CAMTA1: variants seen among roughly 807,000 people sequenced by gnomAD.
CAMTA1 encodes calmodulin binding transcription activator 1.
In CAMTA1, 27 loss-of-function variants were observed where a neutral mutation model predicts 170.9. The ratio of observed to expected loss-of-function variants is 0.16; its 90% CI spans 0.12 to 0.22. The LOEUF is 0.22. Among genes scored for constraint, CAMTA1 ranks in the 10% least tolerant of loss-of-function variants. The pLI, the probability that CAMTA1 is intolerant of heterozygous loss-of-function variation, is 1.00. For synonymous variants in CAMTA1, 833 were observed against 891.5 expected (o/e 0.93, Z 1.17); for missense variants, 1,619 against 2,217.2 (o/e 0.73, Z 5.42).
At chr1:7,232,664 A>G (rs1173262476) in intron 4 of CAMTA1, among the ~76,000 whole-genome samples, 3 of 152,146 alleles carry the variant, frequency 2.0e-5, no homozygotes, top group Non-Finnish European at 4.4e-5. Flanking sequence ...GAGAGGGTGC[A>G]CAGACCGGTG....
intron 3 of CAMTA1, among the ~76,000 whole-genome samples, chr1:6,827,109 A>G (rs566701409): frequency 6.6e-6 from 1 of 152,362 alleles, no homozygotes; most frequent in South Asian, 2.1e-4. Flanking sequence ...AGAGGCTGCC[A>G]TAATTCAGAT....
In CAMTA1 at chr1:6,895,791, C is replaced by T. The variant is rs771359316; in HGVS notation, c.234+70581C>T. Among the ~76,000 whole-genome samples the T allele has an allele frequency of 3.9e-5, 6 of 152,316 alleles. No homozygotes were observed. The East Asian group carries it at 9.6e-4, about 24-fold the overall frequency. On this transcript the variant is annotated intron_variant, in intron 3 of 22. Coordinates refer to ENST00000303635, the MANE Select transcript of CAMTA1 (RefSeq NM_015215.4). ...TTATATCCTCAGAGAGACCCTCCCC[C>T]GATAGCCTGATGACAGGTGATAGTC...
intron 4 of CAMTA1, among the ~76,000 whole-genome samples, chr1:7,159,876 GC>G (rs1306255822): frequency 2.0e-5 from 3 of 152,178 alleles, no homozygotes; most frequent in African/African-American, 7.2e-5. Context: ...GGATCGCCTT[GC>G]CCCTCCGTGC....
intron 22 of CAMTA1, among the ~76,000 whole-genome samples, chr1:7,764,717 T>C (rs1215883872): frequency 6.6e-6 from 1 of 152,180 alleles, no homozygotes; most frequent in Admixed American, 6.5e-5. Flanking sequence ...TCAAGCACTT[T>C]GGGAGGCTGA....
At chr1:7,718,293 C>T (rs745605896) in intron 11 of CAMTA1, among the ~76,000 whole-genome samples, 2 of 149,512 alleles carry the variant, frequency 1.3e-5, no homozygotes, top group African/African-American at 5.1e-5. Context: ...CCGTTCTGGC[C>T]GGATTCTCCA....
chr1:7,047,299 T>A (rs1705546546), intron 3 of CAMTA1, among the ~76,000 whole-genome samples: 1 of 152,196 alleles, frequency 6.6e-6, no homozygotes, highest in Non-Finnish European at 1.5e-5. Flanking sequence ...GAGGATAGAT[T>A]TTCTCCCTTC....
intron 3 of CAMTA1, among the ~76,000 whole-genome samples, chr1:7,031,164 G>A (rs539537154): frequency 2.0e-5 from 3 of 152,038 alleles, no homozygotes; most frequent in African/African-American, 7.2e-5. Flanking sequence ...TATTAAGGGA[G>A]GGATACGGAA....
rs187313819 is a variant in CAMTA1 at position 7,149,642 on chromosome 1, G to A, written c.302+58271G>A. Among the ~76,000 whole-genome samples, 767 of 152,224 alleles carry A rather than the reference G, an allele frequency of 5.0e-3. 6 individuals are homozygous for A. The highest frequency in any genetic ancestry group is 7.7e-3 in the Non-Finnish European group (525 of 68,024). On this transcript the variant is annotated intron_variant, in intron 4 of 22. Coordinates refer to ENST00000303635, the MANE Select transcript of CAMTA1 (RefSeq NM_015215.4). ...CGATGCGAGTTTTTAGCTAGTCCCC[G>A]ACACACACTGAGAACAGGAAACGAG...
intron 22 of CAMTA1, among the ~76,000 whole-genome samples, chr1:7,760,281 G>A (rs187174624): frequency 6.6e-6 from 1 of 152,344 alleles, no homozygotes. Context: ...CAGCTCTGCT[G>A]TGTGCTTCTG....
intron 4 of CAMTA1, among the ~76,000 whole-genome samples, chr1:7,194,031 C>T (rs140961786): frequency 1.3e-5 from 2 of 152,118 alleles, no homozygotes; most frequent in East Asian, 1.9e-4. Context: ...CACATGTGAA[C>T]GGAAGCATTT....
At chr1:6,878,269 T>C (rs938047495) in intron 3 of CAMTA1, among the ~76,000 whole-genome samples, 2 of 152,224 alleles carry the variant, frequency 1.3e-5, no homozygotes, top group Admixed American at 6.5e-5. Flanking sequence ...AGGATAATCA[T>C]TGCAGTTTGA....
At chr1:7,409,973 G>A (rs747364998) in intron 5 of CAMTA1, among the ~76,000 whole-genome samples, 1 of 152,032 alleles carries the variant, frequency 6.6e-6, no homozygotes, top group Admixed American at 6.5e-5. Context: ...GGAAGGAGCC[G>A]GGTACCCTCA....
intron 3 of CAMTA1, among the ~76,000 whole-genome samples, chr1:6,842,352 G>A (rs1312568441): frequency 1.3e-5 from 2 of 152,190 alleles, no homozygotes; most frequent in African/African-American, 4.8e-5. Context: ...GCCTCCTCCT[G>A]CTCCTAGTCC....
intron 3 of CAMTA1, among the ~76,000 whole-genome samples, chr1:7,028,299 T>C (rs1368873396): frequency 6.6e-6 from 1 of 152,206 alleles, no homozygotes; most frequent in Non-Finnish European, 1.5e-5. Flanking sequence ...AGGCATTTCA[T>C]TGTCTTAATT....
Position 7,663,544 on chromosome 1 carries a change from C to A in CAMTA1, c.997C>A (p.Pro333Thr), listed in dbSNP as rs1333593251. The A allele has an allele frequency of 6.2e-7, 1 of 1,607,178 alleles. No individual in the cohort carries two copies. Among genetic ancestry groups the A allele is most frequent in the South Asian group, 1.1e-5 (1 of 90,874 alleles). The change falls in exon 9 of 23, where the codon CCC becomes ACC. Residue 333 changes from proline (P) to threonine (T), a missense_variant. This residue lies in a region of CAMTA1 where 731 missense variants were observed against 907.6 expected (regional missense o/e 0.81). Coordinates refer to ENST00000303635, the MANE Select transcript of CAMTA1 (RefSeq NM_015215.4). Reference protein sequence around the residue: ...REKRNGKVAKPVLLHQSSTEV... With the variant: ...REKRNGKVAKTVLLHQSSTEV... ...GAAGAGGAACGGCAAGGTGGCCAAG[C>A]CCGTGCTCCTGCACCAGAGCAGCAC...
intron 4 of CAMTA1, among the ~76,000 whole-genome samples, chr1:7,246,691 T>TTTC (rs1665855908): frequency 6.7e-6 from 1 of 148,676 alleles, no homozygotes; most frequent in South Asian, 2.2e-4. Context: ...TTTTTTTTTT[T>TTTC]TGACATGCTT....
At chr1:7,267,349 T>C (rs1222750637) in intron 5 of CAMTA1, among the ~76,000 whole-genome samples, 1 of 152,226 alleles carries the variant, frequency 6.6e-6, no homozygotes, top group Non-Finnish European at 1.5e-5. Flanking sequence ...CAGGACTGTG[T>C]TGGAATTGCC....
intron 5 of CAMTA1, among the ~76,000 whole-genome samples, chr1:7,331,809 C>G (rs1323931722): frequency 1.3e-5 from 2 of 152,164 alleles, no homozygotes; most frequent in African/African-American, 4.8e-5. Flanking sequence ...GGGAAGGTGG[C>G]CATTGAGGGC....
chr1:7,461,371 G>A (rs1052397464), intron 5 of CAMTA1, among the ~76,000 whole-genome samples: 6 of 152,240 alleles, frequency 3.9e-5, no homozygotes, highest in African/African-American at 1.2e-4. Flanking sequence ...GTTCTCTAGC[G>A]TGGGAGCATC....
Sources: gnomAD v4.1 joint callset for allele counts (sites outside exome capture counted in the v4.1 genomes callset) on GRCh38, gnomAD v4.1.1 for gene constraint, gnomAD v4.1.1 regional missense constraint, MANE v1.5 for transcripts, NCBI Gene and HGNC (gene_info 2026-07-23, HGNC 2026-07-21) for gene names.